The following TMC1 variants were observed in gnomAD, a reference collection of about 807,000 sequenced individuals.
The protein encoded by TMC1 is transmembrane channel-like protein 1.
Under a neutral mutation model 105.8 loss-of-function variants are expected in TMC1, and 84 were observed. The ratio of observed to expected loss-of-function variants is 0.79; its 90% CI spans 0.67 to 0.95. The LOEUF is 0.95. Ranked by LOEUF, TMC1 falls within the 40% of genes least tolerant of loss-of-function variation. The probability of loss-of-function intolerance (pLI) is 0.00; values close to 1 mark genes in which losing one functional copy is unlikely to be tolerated. For synonymous variants in TMC1, 315 were observed against 311.5 expected (o/e 1.01, Z -0.12); for missense variants, 817 against 914.1 (o/e 0.89, Z 1.37).
At chr9:72,626,881 A>G (rs1825356401) in intron 3 of TMC1, among the ~76,000 whole-genome samples, 1 of 152,156 alleles carries the variant, frequency 6.6e-6, no homozygotes, top group Non-Finnish European at 1.5e-5. Context: ...ATTTTTTTCT[A>G]CAATTTAATA....
chr9:72,775,236 T>G (rs1229849346), intron 13 of TMC1, among the ~76,000 whole-genome samples: 2 of 150,928 alleles, frequency 1.3e-5, no homozygotes, highest in Admixed American at 1.3e-4. Flanking sequence ...TCTTCCTCCC[T>G]TCATTCATTT....
intron 5 of TMC1, among the ~76,000 whole-genome samples, chr9:72,684,666 A>G (rs1159087752): frequency 6.6e-6 from 1 of 152,126 alleles, no homozygotes; most frequent in Non-Finnish European, 1.5e-5. Flanking sequence ...CTGCCTACTT[A>G]ATGTCATGCT....
chr9:72,643,403 A>T (rs1300140954), intron 4 of TMC1, among the ~76,000 whole-genome samples: 1 of 152,198 alleles, frequency 6.6e-6, no homozygotes, highest in Non-Finnish European at 1.5e-5. Context: ...AGTTTGCCAT[A>T]TGTATACACA....
intron 20 of TMC1, among the ~76,000 whole-genome samples, chr9:72,824,242 C>T (rs1037717580): frequency 1.3e-5 from 2 of 152,232 alleles, no homozygotes; most frequent in African/African-American, 4.8e-5. Context: ...GGGGGTGTTA[C>T]AATGCTTCCT....
intron 8 of TMC1, among the ~76,000 whole-genome samples, chr9:72,732,629 G>T (rs74419454): frequency 0.014 from 2,068 of 151,896 alleles, 59 homozygotes; most frequent in African/African-American, 0.046. Flanking sequence ...TACCTGGTGT[G>T]CCAGGTACTG....
chr9:72,643,101 C>G lies in TMC1; in HGVS notation c.-52-5496C>G, dbSNP rs1388095152. 2.0e-5 allele frequency among the ~76,000 whole-genome samples: 3 copies of G among 152,078 alleles called. No individual in the cohort carries two copies. In the South Asian group the frequency reaches 6.2e-4, roughly 32 times the overall value. On this transcript the variant is annotated intron_variant, in intron 4 of 23. Coordinates refer to ENST00000297784, the MANE Select transcript of TMC1 (RefSeq NM_138691.3). Reference sequence around the variant, plus strand: ...CTAATTTTCAAAGGTTTTTTCCTTCCTTTCTTCTCCTTTCCTCCCTCCTTC... The same window carrying G: ...CTAATTTTCAAAGGTTTTTTCCTTCGTTTCTTCTCCTTTCCTCCCTCCTTC...
intron 10 of TMC1, among the ~76,000 whole-genome samples, chr9:72,744,215 C>G (rs556207882): frequency 6.6e-6 from 1 of 152,322 alleles, no homozygotes; most frequent in South Asian, 2.1e-4. Context: ...TAATTTCCTC[C>G]TTAACACTTA....
At chr9:72,830,418 C>A (rs376999203) in intron 21 of TMC1, 33 bp from the exon 22 acceptor site, 98 of 1,461,234 alleles carry the variant, frequency 6.7e-5, no homozygotes, top group Non-Finnish European at 3.9e-5. Flanking sequence ...CTGAAATATA[C>A]CTTACACTGT....
intron 5 of TMC1, among the ~76,000 whole-genome samples, chr9:72,658,340 A>C (rs1201650431): frequency 6.6e-6 from 1 of 152,144 alleles, no homozygotes; most frequent in Non-Finnish European, 1.5e-5. Flanking sequence ...TCTAAAAAAA[A>C]AAAAAAAACT....
chr9:72,754,850 C>T lies in TMC1; in HGVS notation c.707C>T (p.Ser236Leu), dbSNP rs751873680. ...RKTVPRAEEA[S>L]AANFGVLYDF... is the part of the protein sequence containing the mutation. ...ACCGTTCCCAGAGCCGAAGAGGCAT[C>T]GGCAGCAAACTTTGGTGTGTTGTAC... is the stretch of plus-strand genomic sequence containing the variant. The change falls in exon 12 of 24, where the codon TCG (serine) becomes TTG (leucine). Residue 236 changes from serine to leucine, a missense_variant. Transcript: ENST00000297784. The T allele has an allele frequency of 1.7e-5, 27 of 1,613,900 alleles. No homozygotes were observed. The Admixed American group carries it at 3.2e-4, about 19-fold the overall frequency.
At chr9:72,648,264 A>G (rs575549945) in intron 4 of TMC1, among the ~76,000 whole-genome samples, 1 of 152,256 alleles carries the variant, frequency 6.6e-6, no homozygotes, top group South Asian at 2.1e-4. Flanking sequence ...CCCTCAATAT[A>G]TGTAATTAGG....
chr9:72,533,550 A>G (rs1012547234), intron 1 of TMC1, among the ~76,000 whole-genome samples: 9 of 152,216 alleles, frequency 5.9e-5, no homozygotes, highest in Admixed American at 5.9e-4. Flanking sequence ...TGCAGTCCAC[A>G]CAACCTTGCA....
chr9:72,806,355 C>G (rs1472193052), intron 18 of TMC1, among the ~76,000 whole-genome samples: 2 of 142,200 alleles, frequency 1.4e-5, no homozygotes, highest in Admixed American at 1.4e-4. Context: ...GGGGGCTGAC[C>G]CCCCCACCTC....
At chr9:72,542,944 G>A (rs1327933923) in intron 1 of TMC1, among the ~76,000 whole-genome samples, 2 of 152,118 alleles carry the variant, frequency 1.3e-5, no homozygotes, top group East Asian at 3.9e-4. Context: ...CTCCCAAAGT[G>A]CTGGGATTAC....
chr9:72,717,532 A>G (rs1270150057), intron 8 of TMC1, among the ~76,000 whole-genome samples: 1 of 152,182 alleles, frequency 6.6e-6, no homozygotes, highest in Non-Finnish European at 1.5e-5. Context: ...TTTGTCTGAA[A>G]AAGACTGTAT....
At chr9:72,636,310 G>GA (rs1281399407) in intron 4 of TMC1, among the ~76,000 whole-genome samples, 3 of 152,118 alleles carry the variant, frequency 2.0e-5, no homozygotes, top group African/African-American at 7.2e-5. Flanking sequence ...AAGTGCTATA[G>GA]AAAAAAATAA....
rs186047388 is a variant in TMC1, at chr9:72,698,654, C to T, written c.237-1864C>T. Among the ~76,000 whole-genome samples, 365 of 152,196 alleles carry T rather than the reference C, an allele frequency of 2.4e-3. 3 individuals carry two copies. The highest frequency in any genetic ancestry group is 8.3e-3 in the African/African-American group (345 of 41,544). Reference sequence around the variant, plus strand: ...AGAGAACACTAAAGTATCATAGTGACGGTAACTACTGGAAGCAGCTACCAT... The same window carrying T: ...AGAGAACACTAAAGTATCATAGTGATGGTAACTACTGGAAGCAGCTACCAT... On this transcript the variant is annotated intron_variant, in intron 7 of 23. Coordinates refer to ENST00000297784, the MANE Select transcript of TMC1 (RefSeq NM_138691.3).
chr9:72,822,174 A>G (rs1828885424), intron 20 of TMC1, among the ~76,000 whole-genome samples: 1 of 152,220 alleles, frequency 6.6e-6, no homozygotes, highest in Non-Finnish European at 1.5e-5. Flanking sequence ...AGTTCTCCCA[A>G]GAATCTCTGC....
At chr9:72,761,699 G>A (rs1407676733) in intron 12 of TMC1, among the ~76,000 whole-genome samples, 1 of 152,174 alleles carries the variant, frequency 6.6e-6, no homozygotes, top group Non-Finnish European at 1.5e-5. Flanking sequence ...AGACAGGTTA[G>A]ACACATATAG....
Sources: gnomAD v4.1 joint callset for allele counts (sites outside exome capture counted in the v4.1 genomes callset) on GRCh38, gnomAD v4.1.1 for gene constraint, MANE v1.5 for transcripts, NCBI Gene and HGNC (gene_info 2026-07-23, HGNC 2026-07-21) for gene names.